Variants in CNTNAP2 observed in about 807,000 individuals in gnomAD.
CNTNAP2 encodes contactin associated protein 2.
Under a neutral mutation model 155.2 loss-of-function variants are expected in CNTNAP2, and 98 were observed. The observed-to-expected ratio is 0.63, with a 90% CI of 0.54 to 0.75. The LOEUF is 0.75. CNTNAP2 is among the 30% of genes least tolerant of loss of function. The pLI is 0.00. For missense variants in CNTNAP2, 1,727 were observed against 1,688.1 expected, an observed-to-expected ratio of 1.02 and a Z score of -0.40; for synonymous variants, 651 against 631.2, an observed-to-expected ratio of 1.03 and a Z score of -0.47.
intron 1 of CNTNAP2, among the ~76,000 whole-genome samples, chr7:146,743,737 A>C (rs979523321): frequency 6.6e-6 from 1 of 152,180 alleles, no homozygotes; most frequent in Non-Finnish European, 1.5e-5. Context: ...TGACAATTTC[A>C]AACACCATAC....
intron 13 of CNTNAP2, among the ~76,000 whole-genome samples, chr7:147,791,453 C>CTT (rs35344971): frequency 3.3e-4 from 41 of 123,388 alleles, no homozygotes; most frequent in East Asian, 4.6e-4. Context: ...CTCTCTCTCT[C>CTT]TTTTTTTTTT....
At chr7:148,300,728 G>A (rs1797371343) in intron 21 of CNTNAP2, among the ~76,000 whole-genome samples, 1 of 152,136 alleles carries the variant, frequency 6.6e-6, no homozygotes, top group African/African-American at 2.4e-5. Context: ...CAACATGGGT[G>A]AACCTTAACA....
intron 13 of CNTNAP2, among the ~76,000 whole-genome samples, chr7:147,885,515 C>T (rs1377684036): frequency 6.6e-6 from 1 of 152,066 alleles, no homozygotes; most frequent in African/African-American, 2.4e-5. Context: ...AGAACTCCAC[C>T]CCCCGCCACC....
chr7:146,722,752 C>T (rs1801360443), intron 1 of CNTNAP2, among the ~76,000 whole-genome samples: 2 of 152,086 alleles, frequency 1.3e-5, no homozygotes, highest in African/African-American at 2.4e-5. Flanking sequence ...TGCAGTCGCT[C>T]ACGCCTGTAA....
At chr7:147,672,184 A>G (rs1795798262) in intron 13 of CNTNAP2, 2 of 152,284 alleles carry the variant, frequency 1.3e-5, no homozygotes, top group South Asian at 4.1e-4. Flanking sequence ...AAAAAATTGT[A>G]CTTTAGGGAG....
At chr7:147,429,932 T>C (rs912205504) in intron 10 of CNTNAP2, among the ~76,000 whole-genome samples, 6 of 152,220 alleles carry the variant, frequency 3.9e-5, no homozygotes, top group Non-Finnish European at 7.3e-5. Flanking sequence ...CTTGTTTTTA[T>C]ACCAGTACCT....
At chr7:148,111,834 T>C (rs2116598669) in intron 15 of CNTNAP2, among the ~76,000 whole-genome samples, 1 of 152,324 alleles carries the variant, frequency 6.6e-6, no homozygotes, top group South Asian at 2.1e-4. Flanking sequence ...CAGAGGAACA[T>C]GGGTTTAGAA....
In CNTNAP2 at chr7:147,670,206, C is replaced by T. The variant is rs116233653; in HGVS notation, c.2098+30900C>T. 4.9e-3 allele frequency among the ~76,000 whole-genome samples: 748 copies of T among 152,108 alleles called. 2 individuals carry two copies. The highest frequency in any genetic ancestry group is 0.014 in the African/African-American group (593 of 41,488). On this transcript the variant is annotated intron_variant, in intron 13 of 23. Transcript: ENST00000361727. ...GTTTTCTTCTTGTTTTTTAAATTTC[C>T]GGGTTCTTGAGTCCATGTGGTCTAA...
chr7:147,462,887 A>G lies in CNTNAP2; in HGVS notation c.1671-23048A>G, dbSNP rs151311462. Among the ~76,000 whole-genome samples the G allele has an allele frequency of 2.0e-3, 303 of 152,286 alleles. 1 individual carries two copies. Among genetic ancestry groups the G allele is most frequent in the African/African-American group, 6.7e-3 (279 of 41,560 alleles). On this transcript the variant is annotated intron_variant, in intron 10 of 23. Coordinates refer to ENST00000361727, the MANE Select transcript of CNTNAP2 (RefSeq NM_014141.6). ...TCCGCCTCCCGGGTTCACGTGGGATACTATATTCTAACAAGTGTATCGAGA... is the reference window on the plus strand; with the variant it reads ...TCCGCCTCCCGGGTTCACGTGGGATGCTATATTCTAACAAGTGTATCGAGA...
intron 1 of CNTNAP2, among the ~76,000 whole-genome samples, chr7:146,297,295 G>T (rs1051005048): frequency 1.3e-5 from 2 of 151,678 alleles, no homozygotes; most frequent in African/African-American, 4.8e-5. Context: ...AGATACCTTC[G>T]TTTTTTTCAA....
At chr7:146,260,012 G>A (rs996122699) in intron 1 of CNTNAP2, among the ~76,000 whole-genome samples, 5 of 152,158 alleles carry the variant, frequency 3.3e-5, no homozygotes, top group Non-Finnish European at 2.9e-5. Context: ...GTGTAACCTC[G>A]GGACTTGGTG....
intron 1 of CNTNAP2, among the ~76,000 whole-genome samples, chr7:146,268,531 A>G (rs1156485647): frequency 6.6e-6 from 1 of 152,132 alleles, no homozygotes; most frequent in Non-Finnish European, 1.5e-5. Context: ...CTGAATAACC[A>G]TCCATCTTAT....
chr7:147,123,957 A>G (rs1449559345), intron 6 of CNTNAP2, among the ~76,000 whole-genome samples: 1 of 152,146 alleles, frequency 6.6e-6, no homozygotes. Flanking sequence ...CAGGAGAATC[A>G]CTTGAACTCA....
chr7:147,245,659 C>A (rs1804044922), intron 8 of CNTNAP2, among the ~76,000 whole-genome samples: 1 of 150,466 alleles, frequency 6.6e-6, no homozygotes, highest in South Asian at 2.1e-4. Context: ...TGGTTGAAAC[C>A]CCCATCTCTA....
intron 13 of CNTNAP2, among the ~76,000 whole-genome samples, chr7:147,839,562 G>A (rs1445001094): frequency 6.6e-6 from 1 of 152,012 alleles, no homozygotes; most frequent in Non-Finnish European, 1.5e-5. Context: ...TCTTATTTTT[G>A]ACATTTTTCA....
chr7:147,874,103 C>T (rs117902991), intron 13 of CNTNAP2, among the ~76,000 whole-genome samples: 4,996 of 152,250 alleles, frequency 0.033, 131 homozygotes, highest in Non-Finnish European at 0.053. Context: ...CATGGGCTGG[C>T]GTTGAACGTC....
At chr7:147,226,165 G>A (rs1206704893) in intron 8 of CNTNAP2, among the ~76,000 whole-genome samples, 2 of 152,128 alleles carry the variant, frequency 1.3e-5, no homozygotes, top group Non-Finnish European at 2.9e-5. Context: ...ATCTGATAAG[G>A]TGTCATTATC....
rs183955506 is a variant in CNTNAP2 at position 148,197,154 on chromosome 7, C to T, written c.3011-20134C>T. On this transcript the variant is annotated intron_variant, in intron 18 of 23. Coordinates refer to ENST00000361727, the MANE Select transcript of CNTNAP2 (RefSeq NM_014141.6). ...ACATCAACAACCTACTATAAATTTA[C>T]TTCAAATAGCATTCATCAGTACTAG... Among the ~76,000 whole-genome samples, 32 of 152,272 alleles carry T rather than the reference C, an allele frequency of 2.1e-4. No individual in the cohort carries two copies. In the East Asian group the frequency reaches 5.2e-3, roughly 25 times the overall value.
At chr7:148,116,858 CT>C (rs1000211754) in intron 15 of CNTNAP2, among the ~76,000 whole-genome samples, 1 of 152,096 alleles carries the variant, frequency 6.6e-6, no homozygotes, top group African/African-American at 2.4e-5. Flanking sequence ...TTCATTGTGC[CT>C]TTTGGAGAAA....
Sources: allele counts gnomAD v4.1 joint callset (sites outside exome capture counted in the v4.1 genomes callset), GRCh38; gene constraint gnomAD v4.1.1; transcripts MANE v1.5; gene names NCBI Gene and HGNC (gene_info 2026-07-23, HGNC 2026-07-21).